The following DST variants were observed in gnomAD, a reference collection of about 807,000 sequenced individuals.
DST encodes bullous pemphigoid antigen.
In DST, 253 loss-of-function variants were observed where a neutral mutation model predicts 875.2. That is an observed-to-expected ratio of 0.29 (90% CI 0.26 to 0.32). DST has a LOEUF of 0.32. DST is among the 10% of genes least tolerant of loss of function. The pLI, the probability that DST is intolerant of heterozygous loss-of-function variation, is 1.00. For missense variants in DST, 8,287 were observed against 9,111.6 expected (o/e 0.91, Z 3.68); for synonymous variants, 3,124 against 3,197.1 (o/e 0.98, Z 0.77).
chr6:56,631,527 G>T, intron 29 of DST, 138 bp from the exon 30 acceptor site: 1 of 739,310 alleles, frequency 1.4e-6, no homozygotes, highest in Non-Finnish European at 2.2e-6. Flanking sequence ...TGTTATCAAA[G>T]AAACTACATC....
At chr6:56,481,971 T>G in intron 90 of DST, 79 bp downstream of exon 90, 51 of 1,447,820 alleles carry the variant, frequency 3.5e-5, no homozygotes, top group Non-Finnish European at 4.5e-5. Context: ...TTCATGCAGT[T>G]GATATTTGTA....
chr6:56,785,434 C>A (rs956610318), intron 4 of DST, among the ~76,000 whole-genome samples: 4 of 152,188 alleles, frequency 2.6e-5, no homozygotes, highest in African/African-American at 9.7e-5. Context: ...CCTCCGCCAG[C>A]CTCGCTGCCG....
intron 3 of DST, among the ~76,000 whole-genome samples, chr6:56,854,310 G>T (rs572170792): frequency 6.6e-6 from 1 of 151,930 alleles, no homozygotes; most frequent in South Asian, 2.1e-4. Flanking sequence ...TTGATGTGGG[G>T]CTTAGAAAGG....
In DST at chr6:56,515,766, C is replaced by T. The variant is rs551154705; in HGVS notation, c.18358-98G>A. On this transcript the variant is annotated intron_variant, in intron 71 of 103. Transcript: ENST00000680361. ...GCACAGTACACCTGGACAGAGTGGG[C>T]GTTTGACAAATATATGTTAAATGAA... 36 of 845,376 alleles carry T rather than the reference C, an allele frequency of 4.3e-5. No homozygotes were observed. In the African/African-American group the frequency reaches 5.0e-4, roughly 12 times the overall value. The allele number at this position is 845,376 out of a possible 1,614,324, so 52.4% of individuals were successfully genotyped here.
rs577624160 is a variant in DST at position 56,519,146 on chromosome 6, C to T, written c.18130-1526G>A. ...TCTCTGGGATTTTCTTTTTGCCTCA[C>T]GTATCTAAGACTAAATACTGGAAAA... is the stretch of plus-strand genomic sequence containing the variant. On this transcript the variant is annotated intron_variant, in intron 69 of 103. Coordinates refer to ENST00000680361, the MANE Select transcript of DST (RefSeq NM_001374736.1). Among the ~76,000 whole-genome samples, 11 of 152,136 alleles carry T rather than the reference C, an allele frequency of 7.2e-5. No homozygotes were observed. The South Asian group carries it at 1.2e-3, about 17-fold the overall frequency.
intron 71 of DST, among the ~76,000 whole-genome samples, chr6:56,516,051 T>C: frequency 6.6e-6 from 1 of 151,926 alleles, no homozygotes; most frequent in Non-Finnish European, 1.5e-5. Flanking sequence ...AAAATTTAAT[T>C]ATATATATAC....
At chr6:56,701,582 A>G (rs2099307715) in intron 8 of DST, among the ~76,000 whole-genome samples, 1 of 152,178 alleles carries the variant, frequency 6.6e-6, no homozygotes, top group Admixed American at 6.5e-5. Flanking sequence ...TTAACATTCT[A>G]TTGCTACTAA....
intron 36 of DST, chr6:56,617,349 G>A: frequency 1.2e-6 from 2 of 1,613,918 alleles, no homozygotes; most frequent in Non-Finnish European, 1.7e-6. Flanking sequence ...TCAGCACTGG[G>A]AACTGGGTTC....
Position 56,800,552 on chromosome 6 carries a change from G to C in DST, c.625+50845C>G, listed in dbSNP as rs181886595. Among the ~76,000 whole-genome samples, 302 of 152,168 alleles carry C rather than the reference G, an allele frequency of 2.0e-3. 1 individual carries two copies. The highest frequency in any genetic ancestry group is 6.9e-3 in the African/African-American group (287 of 41,542). Reference sequence around the variant, plus strand: ...ATCCTAGGATGAGAACATCCCCAGCGAAAAAGAATCTGCCTCTCTCTAGAA... The same window carrying C: ...ATCCTAGGATGAGAACATCCCCAGCCAAAAAGAATCTGCCTCTCTCTAGAA... On this transcript the variant is annotated intron_variant, in intron 4 of 103. Transcript: ENST00000680361.
chr6:56,470,216 T>C lies in DST; in HGVS notation c.22388A>G (p.Tyr7463Cys). The C allele has an allele frequency of 1.9e-6, 3 of 1,611,984 alleles. No individual in the cohort carries two copies. Among genetic ancestry groups the C allele is most frequent in the Non-Finnish European group, 2.5e-6 (3 of 1,178,904 alleles). ...TGCTACAAATTCATAGTAGTCAATA[T>C]ATCCATCGCCATCTCTGTCAAAGAT... ...ADIFDRDGDG[Y>C]IDYYEFVAAL... The change falls in exon 96 of 104, where the codon TAT becomes TGT. Residue 7463 changes from tyrosine to cysteine, a missense_variant. Physicochemically the swap from Tyr to Cys is radical, Grantham distance 194. Around this residue, in one of 10 missense-constraint regions of DST, gnomAD observed 87 missense variants for 209.7 expected, o/e 0.41. Coordinates refer to ENST00000680361, the MANE Select transcript of DST (RefSeq NM_001374736.1).
chr6:56,585,148 G>C (rs1466026707), intron 49 of DST, among the ~76,000 whole-genome samples: 1 of 152,174 alleles, frequency 6.6e-6, no homozygotes, highest in African/African-American at 2.4e-5. Context: ...TCTATTGATT[G>C]GACTAGTTTC....
At chr6:56,777,928 C>T (rs1252428049) in intron 4 of DST, among the ~76,000 whole-genome samples, 2 of 151,984 alleles carry the variant, frequency 1.3e-5, no homozygotes, top group African/African-American at 2.4e-5. Flanking sequence ...GTCTCAAATG[C>T]CTGAGCTCAA....
chr6:56,915,227 G>T (rs1231565761), intron 2 of DST, among the ~76,000 whole-genome samples: 1 of 152,260 alleles, frequency 6.6e-6, no homozygotes, highest in African/African-American at 2.4e-5. Context: ...AAAGAGTCAC[G>T]GTTTAAAAAT....
intron 5 of DST, among the ~76,000 whole-genome samples, chr6:56,717,554 GGTC>G (rs1267841771): frequency 6.6e-6 from 1 of 152,138 alleles, no homozygotes; most frequent in Admixed American, 6.5e-5. Flanking sequence ...TTATTCCAGA[GGTC>G]GTAAGATATG....
intron 2 of DST, among the ~76,000 whole-genome samples, chr6:56,931,699 A>G (rs1317781902): frequency 6.6e-6 from 1 of 152,232 alleles, no homozygotes; most frequent in Non-Finnish European, 1.5e-5. Flanking sequence ...CTGGAGTCAC[A>G]GAAGATCATT....
At chr6:56,559,145 C>T (rs2097488915) in intron 58 of DST, among the ~76,000 whole-genome samples, 1 of 152,092 alleles carries the variant, frequency 6.6e-6, no homozygotes, top group African/African-American at 2.4e-5. Context: ...TTCTACATGA[C>T]ATTTTCCAGT....
chr6:56,798,714 G>A (rs2099743286), intron 4 of DST, among the ~76,000 whole-genome samples: 1 of 152,088 alleles, frequency 6.6e-6, no homozygotes, highest in Admixed American at 6.5e-5. Flanking sequence ...TTCCTCTGAT[G>A]GATATGGGTA....
chr6:56,695,998 TAA>T (rs2099261441), intron 9 of DST, among the ~76,000 whole-genome samples: 1 of 152,200 alleles, frequency 6.6e-6, no homozygotes, highest in African/African-American at 2.4e-5. Flanking sequence ...TTCATTTAAA[TAA>T]GAGAGAACAT....
Position 56,529,466 on chromosome 6 carries a change from C to A in DST, c.17577G>T (p.Lys5859Asn). 1 of 1,492,628 alleles carries A rather than the reference C, an allele frequency of 6.7e-7. No individual in the cohort carries two copies. The highest frequency in any genetic ancestry group is 8.9e-7 in the Non-Finnish European group (1 of 1,120,040). 92.5% of individuals were successfully genotyped at this position (1,492,628 alleles called of 1,614,324 possible). ...VQDYSTEGLW[K>N]QQSELRVLQE... ...AAAATACCCGAAGTTCAGACTGCTG[C>A]TTCCATAGCCCCTCAGTGCTGTAAT... is the stretch of plus-strand genomic sequence containing the variant. Residue 5859 changes from lysine (K) to asparagine (N), a missense_variant, in exon 66 of 104, where the codon AAG becomes AAT. Around this residue, in one of 10 missense-constraint regions of DST, gnomAD observed 777 missense variants for 764.8 expected, o/e 1.02. Coordinates refer to ENST00000680361, the MANE Select transcript of DST (RefSeq NM_001374736.1).
Sources: allele counts gnomAD v4.1 joint callset (sites outside exome capture counted in the v4.1 genomes callset), GRCh38; gene constraint gnomAD v4.1.1; regional missense constraint gnomAD v4.1.1; transcripts MANE v1.5; gene names NCBI Gene and HGNC (gene_info 2026-07-23, HGNC 2026-07-21).